PEAK1: variants seen among roughly 807,000 people sequenced by gnomAD.
PEAK1 encodes pseudopodium enriched atypical kinase 1.
A neutral mutation model predicts 124.7 loss-of-function variants in PEAK1; 54 were observed. That is an observed-to-expected ratio of 0.43 (90% confidence interval 0.35 to 0.54). The LOEUF (loss-of-function observed/expected upper bound fraction) is 0.54, where lower values mean the gene tolerates loss of function less well. Ranked by LOEUF, PEAK1 falls within the 20% of genes least tolerant of loss-of-function variation. PEAK1 has a pLI of 0.01. For missense variants in PEAK1, 2,046 were observed against 2,134.5 expected, an observed-to-expected ratio of 0.96 and a Z score of 0.82; for synonymous variants, 719 against 760.0, an observed-to-expected ratio of 0.95 and a Z score of 0.89.
At chr15:77,281,162 A>G (rs1471342099) in intron 5 of PEAK1, among the ~76,000 whole-genome samples, 1 of 152,058 alleles carries the variant, frequency 6.6e-6, no homozygotes, top group African/African-American at 2.4e-5. Flanking sequence ...GCAAGACTCT[A>G]TCTCAAAAAA....
At chr15:77,401,549 TA>T in intron 1 of PEAK1, 1 of 977,770 alleles carries the variant, frequency 1.0e-6, no homozygotes, top group Non-Finnish European at 1.2e-6. Context: ...TTTTGTTTCT[TA>T]AAAAACTCAA....
chr15:77,394,094 C>T (rs1240267003), intron 1 of PEAK1, among the ~76,000 whole-genome samples: 2 of 152,118 alleles, frequency 1.3e-5, no homozygotes, highest in African/African-American at 4.8e-5. Context: ...GGCTTGAATG[C>T]CAGCTCAGCC....
At chr15:77,332,978 C>T (rs1046323505) in intron 2 of PEAK1, 1 of 823,430 alleles carries the variant, frequency 1.2e-6, no homozygotes, top group Non-Finnish European at 1.5e-6. Context: ...ATGACTGCTC[C>T]TTTTCCTATT....
At chr15:77,173,311 A>T (rs1467553121) in intron 7 of PEAK1, among the ~76,000 whole-genome samples, 1 of 152,194 alleles carries the variant, frequency 6.6e-6, no homozygotes, top group Admixed American at 6.5e-5. Context: ...TATTTTTAAA[A>T]TTTAATTTAA....
rs75273308 is a variant in PEAK1, at chr15:77,213,927, T to C, written c.-114-31887A>G. Reference sequence around the variant, plus strand: ...AAAGTGTCCTTGTGTCCCTTTGCACTTGATCCCTTCTCCCTAACTCCTGGC... The same window carrying C: ...AAAGTGTCCTTGTGTCCCTTTGCACCTGATCCCTTCTCCCTAACTCCTGGC... On this transcript the variant is annotated intron_variant, in intron 6 of 9. Transcript: ENST00000682557. Among the ~76,000 whole-genome samples the C allele has an allele frequency of 7.1e-3, 1,084 of 152,274 alleles. 15 individuals carry two copies. The highest frequency in any genetic ancestry group is 0.025 in the African/African-American group (1,034 of 41,558).
intron 1 of PEAK1, among the ~76,000 whole-genome samples, chr15:77,366,111 C>A (rs945308423): frequency 6.6e-6 from 1 of 152,178 alleles, no homozygotes; most frequent in African/African-American, 2.4e-5. Flanking sequence ...CATTGGCACC[C>A]TTCCAGTTCT....
chr15:77,202,533 G>T (rs894239507), intron 6 of PEAK1, among the ~76,000 whole-genome samples: 1 of 152,060 alleles, frequency 6.6e-6, no homozygotes, highest in South Asian at 2.1e-4. Context: ...TTGGGAATCC[G>T]AGGTGGGCGG....
intron 6 of PEAK1, among the ~76,000 whole-genome samples, chr15:77,200,893 T>G (rs957753496): frequency 2.6e-5 from 4 of 152,072 alleles, no homozygotes; most frequent in Non-Finnish European, 5.9e-5. Context: ...TTTCTATATT[T>G]TTCCTTCTAA....
intron 5 of PEAK1, among the ~76,000 whole-genome samples, chr15:77,265,804 C>A (rs1248509125): frequency 6.6e-6 from 1 of 152,038 alleles, no homozygotes; most frequent in Non-Finnish European, 1.5e-5. Flanking sequence ...GACACATGCA[C>A]ACGTATGTTT....
chr15:77,298,351 T>C (rs1218299833), intron 2 of PEAK1, among the ~76,000 whole-genome samples: 2 of 150,478 alleles, frequency 1.3e-5, no homozygotes, highest in Non-Finnish European at 3.0e-5. Context: ...CCCGAGTAGC[T>C]GGGACTACAG....
At chr15:77,374,501 G>C (rs1294726637) in intron 1 of PEAK1, among the ~76,000 whole-genome samples, 5 of 152,094 alleles carry the variant, frequency 3.3e-5, no homozygotes, top group Non-Finnish European at 7.4e-5. Flanking sequence ...CTAAGGTGGT[G>C]ACAGAGTCTT....
At chr15:77,183,229 C>T (rs2057373589) in intron 6 of PEAK1, among the ~76,000 whole-genome samples, 1 of 152,194 alleles carries the variant, frequency 6.6e-6, no homozygotes, top group African/African-American at 2.4e-5. Flanking sequence ...ACGCCAGTCA[C>T]ACTCATTTGT....
chr15:77,293,256 T>C (rs1480216291), intron 2 of PEAK1, among the ~76,000 whole-genome samples: 1 of 152,222 alleles, frequency 6.6e-6, no homozygotes, highest in Non-Finnish European at 1.5e-5. Context: ...AAAATGTTAC[T>C]GCCACTGTTC....
chr15:77,286,146 G>T (rs2062920029), intron 3 of PEAK1, among the ~76,000 whole-genome samples: 1 of 152,158 alleles, frequency 6.6e-6, no homozygotes, highest in African/African-American at 2.4e-5. Flanking sequence ...GGAGCAGGCT[G>T]TTCAGTTTCC....
At chr15:77,320,528 C>G (rs1319777274) in intron 2 of PEAK1, among the ~76,000 whole-genome samples, 1 of 152,096 alleles carries the variant, frequency 6.6e-6, no homozygotes, top group Admixed American at 6.6e-5. Flanking sequence ...ATATCCACAC[C>G]AACAATTTAT....
chr15:77,420,265 A>ACGCG (rs528982433), upstream of PEAK1: 56 of 143,830 alleles, frequency 3.9e-4, 2 homozygotes, highest in South Asian at 0.013. Context: ...AGCCGTGAGC[A>ACGCG]CGCGCGCGCT....
At chr15:77,115,867 T>C (rs1187664012) in intron 9 of PEAK1, among the ~76,000 whole-genome samples, 2 of 152,224 alleles carry the variant, frequency 1.3e-5, no homozygotes, top group Non-Finnish European at 2.9e-5. Context: ...TGGGTTTTCC[T>C]AACTTTTCAA....
rs987318545 is a variant in PEAK1 at position 77,297,010 on chromosome 15, G to T, written c.-602-10506C>A. On this transcript the variant is annotated intron_variant, in intron 2 of 9. Transcript: ENST00000682557. Reference sequence around the variant, plus strand: ...GTTTAGTCTAAAATGACCAAAATTGGACTTAATCAGAAGTAATCAGCTGTA... The same window carrying T: ...GTTTAGTCTAAAATGACCAAAATTGTACTTAATCAGAAGTAATCAGCTGTA... 1.1e-4 allele frequency among the ~76,000 whole-genome samples: 16 copies of T among 151,774 alleles called. 1 individual carries two copies. Among genetic ancestry groups the T allele is most frequent in the African/African-American group, 3.9e-4 (16 of 41,074 alleles).
chr15:77,350,546 C>T lies in PEAK1; in HGVS notation c.-603+14617G>A, dbSNP rs1027716501. ...AACATGATAATACAATTGTGAGTCT[C>T]CTTAGTGTTAAATTTATAATTAGAT... On this transcript the variant is annotated intron_variant, in intron 2 of 9. Coordinates refer to ENST00000682557, the MANE Select transcript of PEAK1 (RefSeq NM_001385026.1). 10 of 979,218 alleles carry T rather than the reference C, an allele frequency of 1.0e-5. No homozygotes were observed. In the African/African-American group the frequency reaches 1.6e-4, roughly 15 times the overall value. 60.7% of individuals were successfully genotyped at this position (979,218 alleles called of 1,614,324 possible).
Sources: gnomAD v4.1 joint callset for allele counts (sites outside exome capture counted in the v4.1 genomes callset) on GRCh38, gnomAD v4.1.1 for gene constraint, MANE v1.5 for transcripts, NCBI Gene and HGNC (gene_info 2026-07-23, HGNC 2026-07-21) for gene names.